The following HMGB1 variants were observed in gnomAD, a reference collection of about 807,000 sequenced individuals.
HMGB1 encodes high mobility group box 1.
For synonymous variants in HMGB1, 81 were observed against 84.0 expected (o/e 0.96, Z 0.19); for missense variants, 79 against 253.5 (o/e 0.31, Z 4.67).
intron 1 of HMGB1, among the ~76,000 whole-genome samples, chr13:30,608,982 C>T (rs1950486619): frequency 6.6e-6 from 1 of 152,226 alleles, no homozygotes; most frequent in Non-Finnish European, 1.5e-5. Flanking sequence ...ATAGGTGAGG[C>T]CGGGCGCGGC....
chr13:30,612,017 C>G (rs1007872020), intron 1 of HMGB1, among the ~76,000 whole-genome samples: 2 of 151,958 alleles, frequency 1.3e-5, no homozygotes, highest in Non-Finnish European at 2.9e-5. Flanking sequence ...AAATTGGGAG[C>G]CACCAAGATA....
chr13:30,549,564 G>T (rs942497572), intron 1 of HMGB1, among the ~76,000 whole-genome samples: 31 of 151,506 alleles, frequency 2.0e-4, no homozygotes, highest in Admixed American at 2.0e-4. Context: ...TGTACTTTTT[G>T]TGTGTGTGTG....
At chr13:30,501,253 T>C (rs1887727889) in intron 1 of HMGB1, among the ~76,000 whole-genome samples, 1 of 152,246 alleles carries the variant, frequency 6.6e-6, no homozygotes, top group Non-Finnish European at 1.5e-5. Flanking sequence ...TAAAATTGGA[T>C]GTGGAAGTAT....
intron 2 of HMGB1, 33 bp from the exon 3 acceptor site, chr13:30,463,385 A>G: frequency 6.4e-7 from 1 of 1,570,968 alleles, no homozygotes; most frequent in Non-Finnish European, 8.6e-7. Flanking sequence ...TTTAAGTTGT[A>G]ACATTTAAGT....
chr13:30,465,141 C>A (rs1224216841), intron 1 of HMGB1: 4 of 970,628 alleles, frequency 4.1e-6, no homozygotes, highest in African/African-American at 1.8e-5. Context: ...AGCGCCGGGC[C>A]CGAGTCAGCC....
At position 30,494,656 on chromosome 13, in the gene HMGB1, C is replaced by T. The variant is rs879790014; in HGVS notation, c.-14-30962G>A. On this transcript the variant is annotated intron_variant, in intron 1 of 4. Transcript: ENST00000405805. ...AATTACAGGCGTGAGCTACTGCTCCCGGCCTTAACCACTTTTAAGTGTACA... is the reference window on the plus strand; with the variant it reads ...AATTACAGGCGTGAGCTACTGCTCCTGGCCTTAACCACTTTTAAGTGTACA... Among the ~76,000 whole-genome samples the T allele has an allele frequency of 4.6e-5, 7 of 152,198 alleles. No individual in the cohort carries two copies. In the South Asian group the frequency reaches 6.2e-4, roughly 14 times the overall value.
At chr13:30,498,804 T>C (rs1887671065) in intron 1 of HMGB1, among the ~76,000 whole-genome samples, 14 of 151,790 alleles carry the variant, frequency 9.2e-5, no homozygotes, top group Admixed American at 9.2e-4. Context: ...TGAGCCACTA[T>C]ACCCGGCTAA....
At chr13:30,463,868 T>C in intron 1 of HMGB1, 174 bp from the exon 2 acceptor site, 1 of 553,650 alleles carries the variant, frequency 1.8e-6, no homozygotes. Flanking sequence ...TTGAAGGGGC[T>C]ATGCCAAGCA....
chr13:30,532,519 TG>T (rs1212013152), intron 1 of HMGB1, among the ~76,000 whole-genome samples: 4 of 152,136 alleles, frequency 2.6e-5, no homozygotes, highest in African/African-American at 7.2e-5. Flanking sequence ...TTTTTATATA[TG>T]TTTTTTGAGA....
chr13:30,517,039 T>C (rs1269186111), intron 1 of HMGB1, among the ~76,000 whole-genome samples: 2 of 152,216 alleles, frequency 1.3e-5, no homozygotes, highest in Non-Finnish European at 2.9e-5. Flanking sequence ...TGTGAAGAAA[T>C]TGAATTTGAA....
intron 1 of HMGB1, chr13:30,464,594 C>CG: frequency 1.0e-6 from 1 of 984,254 alleles, no homozygotes; most frequent in African/African-American, 1.7e-5. Context: ...CCGCCGCCGC[C>CG]CCCATTTTGT....
rs1238006920 is a variant in HMGB1 at position 30,460,374 on chromosome 13, CAT to C, written c.*981_*982del. 3.3e-5 allele frequency: 5 copies of C among 151,518 alleles called. No individual in the cohort carries two copies. The highest frequency in any genetic ancestry group is 9.7e-5 in the African/African-American group (4 of 41,194). The allele number at this position is 151,518 out of a possible 1,614,324, so 9.4% of individuals were successfully genotyped here. ...AAAAGACATCTATAGCCAGCATTTT[CAT>C]AGTCTTCACTGAGACTAATGTCAAC... On this transcript the variant is annotated 3_prime_UTR_variant, in exon 5 of 5. Coordinates refer to ENST00000341423, the MANE Select transcript of HMGB1 (RefSeq NM_002128.7).
At chr13:30,537,110 C>T (rs1370029725) in intron 1 of HMGB1, among the ~76,000 whole-genome samples, 1 of 152,200 alleles carries the variant, frequency 6.6e-6, no homozygotes, top group Non-Finnish European at 1.5e-5. Context: ...ATTTTACCTT[C>T]TCAGTTGATT....
chr13:30,462,305 G>T (rs1886399016), intron 4 of HMGB1: 3 of 539,624 alleles, frequency 5.6e-6, no homozygotes, highest in Non-Finnish European at 1.0e-5. Flanking sequence ...CAAGATACTG[G>T]GGAATAACAA....
At chr13:30,560,189 G>T (rs936221557) in intron 1 of HMGB1, among the ~76,000 whole-genome samples, 1 of 152,142 alleles carries the variant, frequency 6.6e-6, no homozygotes, top group Non-Finnish European at 1.5e-5. Flanking sequence ...CCCCAAAGAG[G>T]CTGCAAGGGA....
At chr13:30,465,182 C>T (rs1375342649) in intron 1 of HMGB1, 8 of 943,298 alleles carry the variant, frequency 8.5e-6, no homozygotes, top group Non-Finnish European at 1.0e-5. Context: ...GCGCCGCTCC[C>T]CCCGCCGCCC....
At chr13:30,582,832 A>G (rs1359727496) in intron 1 of HMGB1, among the ~76,000 whole-genome samples, 1 of 152,156 alleles carries the variant, frequency 6.6e-6, no homozygotes, top group Non-Finnish European at 1.5e-5. Flanking sequence ...TATGCAATCC[A>G]TCAGCACCCC....
At chr13:30,605,492 G>A (rs903560232) in intron 1 of HMGB1, among the ~76,000 whole-genome samples, 1 of 152,198 alleles carries the variant, frequency 6.6e-6, no homozygotes, top group African/African-American at 2.4e-5. Flanking sequence ...TCATTTGATC[G>A]ACTGCAACAA....
Position 30,559,205 on chromosome 13 carries a change from T to C in HMGB1, c.-15+57466A>G, listed in dbSNP as rs9578187. 0.082 allele frequency among the ~76,000 whole-genome samples: 12,405 copies of C among 152,120 alleles called. 733 individuals are homozygous for C. The highest frequency in any genetic ancestry group is 0.13 in the Non-Finnish European group (8,553 of 67,984). On this transcript the variant is annotated intron_variant, in intron 1 of 4. Coordinates refer to the HMGB1 transcript ENST00000405805. This position sits in a 1 kb window ranked among gnomAD's most constrained non-coding sequence, Gnocchi z 6.6. ...CCCTGTTGAGAAGCACTGCCTTAGA[T>C]CATTCCTTACCAAGGTACGTTAGGC...
Sources: gnomAD v4.1 joint callset for allele counts (sites outside exome capture counted in the v4.1 genomes callset) on GRCh38, gnomAD v4.1.1 for gene constraint, Gnocchi (gnomAD v3.1) non-coding constraint, MANE v1.5 for transcripts, NCBI Gene and HGNC (gene_info 2026-07-23, HGNC 2026-07-21) for gene names.